The following KCNQ5 variants were observed in gnomAD, a reference collection of about 807,000 sequenced individuals.
KCNQ5 encodes the protein potassium voltage-gated channel subfamily KQT member 5.
In KCNQ5, 30 loss-of-function variants were observed where a neutral mutation model predicts 98.2. The ratio of observed to expected loss-of-function variants is 0.31; its 90% CI spans 0.23 to 0.41. The LOEUF is 0.41. Ranked by LOEUF, KCNQ5 falls within the 10% of genes least tolerant of loss-of-function variation. KCNQ5 has a pLI of 1.00. For missense variants in KCNQ5, 835 were observed against 1,182.5 expected (o/e 0.71, Z 4.31); for synonymous variants, 458 against 449.4 (o/e 1.02, Z -0.24).
At chr6:73,033,741 C>CG (rs1000569492) in intron 2 of KCNQ5, among the ~76,000 whole-genome samples, 2 of 151,944 alleles carry the variant, frequency 1.3e-5, no homozygotes, top group African/African-American at 4.8e-5. Flanking sequence ...TACCCACCCC[C>CG]GAAGCATCTA....
chr6:72,968,507 A>G (rs1023966310), intron 1 of KCNQ5, among the ~76,000 whole-genome samples: 3 of 152,144 alleles, frequency 2.0e-5, no homozygotes, highest in Non-Finnish European at 4.4e-5. Flanking sequence ...TATCTCCCAA[A>G]TTGATGATAT....
chr6:73,114,978 G>A lies in KCNQ5; in HGVS notation c.1125+3575G>A, dbSNP rs897646637. On this transcript the variant is annotated intron_variant, in intron 7 of 13. Transcript: ENST00000370398. Reference sequence around the variant, plus strand: ...TCATTAAGCTCAAGCCACTTATATAGAGATTTTACATCTTTTTAGTGCTCC... The same window carrying A: ...TCATTAAGCTCAAGCCACTTATATAAAGATTTTACATCTTTTTAGTGCTCC... Among the ~76,000 whole-genome samples, 85 of 152,114 alleles carry A rather than the reference G, an allele frequency of 5.6e-4. 1 individual carries two copies. The highest frequency in any genetic ancestry group is 1.9e-4 in the East Asian group (1 of 5,180).
intron 1 of KCNQ5, among the ~76,000 whole-genome samples, chr6:72,655,402 C>T (rs924557820): frequency 1.3e-5 from 2 of 152,054 alleles, no homozygotes; most frequent in African/African-American, 4.8e-5. Flanking sequence ...AAAGGAGAAT[C>T]TGTCCATCAC....
chr6:73,033,236 G>T (rs901624179), intron 2 of KCNQ5, among the ~76,000 whole-genome samples: 1 of 152,018 alleles, frequency 6.6e-6, no homozygotes, highest in Admixed American at 6.5e-5. Flanking sequence ...AGCCCATATG[G>T]TCTCAATTTA....
At chr6:72,727,001 T>C (rs530805240) in intron 1 of KCNQ5, among the ~76,000 whole-genome samples, 21 of 152,364 alleles carry the variant, frequency 1.4e-4, no homozygotes, top group Middle Eastern at 3.4e-3. Flanking sequence ...AGTCGTGACA[T>C]GCAGAGAAGT....
chr6:72,702,524 G>A (rs1019641611), intron 1 of KCNQ5, among the ~76,000 whole-genome samples: 11 of 152,146 alleles, frequency 7.2e-5, no homozygotes, highest in African/African-American at 1.9e-4. Context: ...AGCTATGATC[G>A]AAGTAGAGAA....
intron 1 of KCNQ5, among the ~76,000 whole-genome samples, chr6:72,897,076 G>C (rs1302937785): frequency 6.6e-6 from 1 of 152,062 alleles, no homozygotes; most frequent in African/African-American, 2.4e-5. Flanking sequence ...CCCCAACATA[G>C]AAAACAGAAC....
intron 2 of KCNQ5, among the ~76,000 whole-genome samples, chr6:73,019,315 A>G (rs1200939792): frequency 6.6e-6 from 1 of 152,140 alleles, no homozygotes; most frequent in Non-Finnish European, 1.5e-5. Context: ...TTTTTATCAT[A>G]AGCCCTGTTC....
chr6:72,641,327 A>G (rs922839055), intron 1 of KCNQ5, among the ~76,000 whole-genome samples: 3 of 152,150 alleles, frequency 2.0e-5, no homozygotes, highest in Non-Finnish European at 4.4e-5. Context: ...ACAAAAATAC[A>G]TTTATTATTT....
chr6:73,127,450 A>G (rs976958058), intron 9 of KCNQ5, among the ~76,000 whole-genome samples: 1 of 152,166 alleles, frequency 6.6e-6, no homozygotes, highest in Non-Finnish European at 1.5e-5. Context: ...ACAAACTGAG[A>G]GAAACCCAAG....
intron 1 of KCNQ5, among the ~76,000 whole-genome samples, chr6:72,776,549 A>T (rs1444185319): frequency 2.6e-5 from 4 of 152,216 alleles, no homozygotes; most frequent in African/African-American, 4.8e-5. Context: ...CAACAAATAT[A>T]ATACAAGCAT....
chr6:72,930,823 C>T (rs1337242598), intron 1 of KCNQ5, among the ~76,000 whole-genome samples: 5 of 152,088 alleles, frequency 3.3e-5, no homozygotes, highest in South Asian at 2.1e-4. Flanking sequence ...AACGAGTAAA[C>T]CATTGGTTTA....
At chr6:72,910,794 G>C (rs1334757762) in intron 1 of KCNQ5, among the ~76,000 whole-genome samples, 1 of 152,116 alleles carries the variant, frequency 6.6e-6, no homozygotes, top group Admixed American at 6.6e-5. Context: ...TATATATAAA[G>C]AGGGAAGCAT....
chr6:72,733,776 G>A (rs1220403427), intron 1 of KCNQ5, among the ~76,000 whole-genome samples: 1 of 152,204 alleles, frequency 6.6e-6, no homozygotes, highest in East Asian at 1.9e-4. Context: ...ACATCTTAAT[G>A]GTTTCTAATG....
chr6:72,919,712 C>T (rs1308222320), intron 1 of KCNQ5, among the ~76,000 whole-genome samples: 3 of 151,968 alleles, frequency 2.0e-5, no homozygotes, highest in Non-Finnish European at 4.4e-5. Flanking sequence ...AAAGTAGATG[C>T]CTAGATTTTG....
chr6:72,659,271 A>G (rs1281972680), intron 1 of KCNQ5, among the ~76,000 whole-genome samples: 4 of 152,118 alleles, frequency 2.6e-5, no homozygotes, highest in Non-Finnish European at 4.4e-5. Flanking sequence ...CACAAAGCCA[A>G]CTTCCTGTTT....
chr6:72,801,056 A>G (rs1774622166), intron 1 of KCNQ5, among the ~76,000 whole-genome samples: 1 of 152,040 alleles, frequency 6.6e-6, no homozygotes, highest in Admixed American at 6.6e-5. Flanking sequence ...CTATGTGGTC[A>G]ATTTTGGGAT....
intron 1 of KCNQ5, among the ~76,000 whole-genome samples, chr6:72,983,482 A>C (rs535512624): frequency 1.3e-5 from 2 of 152,220 alleles, no homozygotes; most frequent in African/African-American, 4.8e-5. Flanking sequence ...AAGCTTGTGC[A>C]TGTATCACAT....
chr6:72,734,748 A>AT (rs1770736901), intron 1 of KCNQ5, among the ~76,000 whole-genome samples: 1 of 152,166 alleles, frequency 6.6e-6, no homozygotes, highest in African/African-American at 2.4e-5. Context: ...AACTACAATA[A>AT]TTTTAGGTTC....
Sources: allele counts gnomAD v4.1 joint callset (sites outside exome capture counted in the v4.1 genomes callset), GRCh38; gene constraint gnomAD v4.1.1; transcripts MANE v1.5; gene names NCBI Gene and HGNC (gene_info 2026-07-23, HGNC 2026-07-21).